Variants in GFPT2 observed in about 807,000 individuals in gnomAD.
The protein encoded by GFPT2 is glutamine--fructose-6-phosphate transaminase 2.
A neutral mutation model predicts 85.6 loss-of-function variants in GFPT2; 62 were observed. The observed-to-expected ratio is 0.72, with a 90% CI of 0.59 to 0.90. The LOEUF is 0.90. Ranked by LOEUF, GFPT2 falls within the 40% of genes least tolerant of loss-of-function variation. The probability of loss-of-function intolerance (pLI) is 0.00; values close to 1 mark genes in which losing one functional copy is unlikely to be tolerated. For synonymous variants in GFPT2, 368 were observed against 344.5 expected (o/e 1.07, Z -0.75); for missense variants, 788 against 893.4 (o/e 0.88, Z 1.50).
chr5:180,307,853 C>T (rs1244727541), intron 15 of GFPT2, among the ~76,000 whole-genome samples: 2 of 152,236 alleles, frequency 1.3e-5, no homozygotes, highest in Non-Finnish European at 2.9e-5. Context: ...TGGCTCACGC[C>T]TGTAATCGCC....
intron 1 of GFPT2, among the ~76,000 whole-genome samples, chr5:180,351,316 C>T (rs746795951): frequency 2.6e-5 from 4 of 152,206 alleles, no homozygotes; most frequent in Non-Finnish European, 4.4e-5. Context: ...GTTAAGGACA[C>T]GTTAGCACCA....
chr5:180,310,133 G>A (rs577462437), intron 15 of GFPT2, among the ~76,000 whole-genome samples: 3 of 149,216 alleles, frequency 2.0e-5, no homozygotes, highest in African/African-American at 2.5e-5. Flanking sequence ...ATGAAGTCTC[G>A]CTCTTGTCGC....
rs1292832695 is a variant in GFPT2 at position 180,330,818 on chromosome 5, T to C, written c.416A>G (p.Glu139Gly). The stretch of plus-strand genomic sequence containing the variant: ...CTCTGTATCTGTTTCTGACTCAAAC[T>C]CGTAGCCTTTGCTTTCCTGGAATAT... ...LRKFLESKGYEFESETDTETI... is the reference protein window; with the variant it reads ...LRKFLESKGYGFESETDTETI... Residue 139 changes from glutamate to glycine, a missense_variant, in exon 6 of 19, where the codon GAG becomes GGG. Transcript: ENST00000253778. The surrounding 1 kb of genome is among the most constrained non-coding windows in gnomAD (Gnocchi z 4.4). 1.2e-6 allele frequency: 2 copies of C among 1,613,934 alleles called. No homozygotes were observed. The highest frequency in any genetic ancestry group is 1.7e-6 in the Non-Finnish European group (2 of 1,179,884).
rs1764752615 is a variant in GFPT2, at chr5:180,353,242, G to C, written c.-25C>G. 1 of 1,241,482 alleles carries C rather than the reference G, an allele frequency of 8.1e-7. No homozygotes were observed. Among genetic ancestry groups the C allele is most frequent in the Non-Finnish European group, 1.0e-6 (1 of 988,456 alleles). The allele number at this position is 1,241,482 out of a possible 1,614,324, so 76.9% of individuals were successfully genotyped here. On this transcript the variant is annotated 5_prime_UTR_variant, in exon 1 of 19. Coordinates refer to ENST00000253778, the MANE Select transcript of GFPT2 (RefSeq NM_005110.4). ...TCGTGGCTGCTTCTCGGGCTCCTTC[G>C]CGGCTCGAGGGGGTCTGCCCGTTCG...
chr5:180,336,988 C>T (rs1764416103), intron 2 of GFPT2, among the ~76,000 whole-genome samples: 1 of 152,240 alleles, frequency 6.6e-6, no homozygotes, highest in Non-Finnish European at 1.5e-5. Context: ...GACGTGCTTC[C>T]TATTAAGAGT....
intron 15 of GFPT2, 82 bp downstream of exon 15, chr5:180,312,348 T>G: frequency 1.3e-6 from 1 of 792,100 alleles, no homozygotes; most frequent in Admixed American, 1.8e-5. Flanking sequence ...AACAACATCC[T>G]GTACAGGTGA....
intron 13 of GFPT2, 127 bp from the exon 14 acceptor site, chr5:180,314,091 A>G (rs552793423): frequency 1.1e-6 from 1 of 876,058 alleles, no homozygotes; most frequent in Non-Finnish European, 1.7e-6. Context: ...GGGTGTTCAG[A>G]AAGGAAAACG....
chr5:180,322,752 T>A (rs1459477627), intron 9 of GFPT2, among the ~76,000 whole-genome samples: 3 of 152,032 alleles, frequency 2.0e-5, no homozygotes, highest in Middle Eastern at 3.4e-3. Context: ...AAAAGAAACA[T>A]CTGGATGGGC....
intron 16 of GFPT2, among the ~76,000 whole-genome samples, chr5:180,305,329 C>A (rs540680749): frequency 2.6e-5 from 4 of 152,340 alleles, no homozygotes; most frequent in African/African-American, 7.2e-5. Flanking sequence ...CTTAGCTACA[C>A]CTTCAGTTAA....
At chr5:180,352,874 C>A (rs995330016) in intron 1 of GFPT2, 1 of 431,950 alleles carries the variant, frequency 2.3e-6, no homozygotes, top group South Asian at 2.7e-5. Flanking sequence ...CGACCTCGGT[C>A]GGCATGGGGT....
intron 1 of GFPT2, among the ~76,000 whole-genome samples, chr5:180,347,844 C>T (rs1228823254): frequency 5.3e-5 from 8 of 152,120 alleles, no homozygotes; most frequent in Admixed American, 4.6e-4. Context: ...GGATGATTTG[C>T]GGCCTGGGGG....
At chr5:180,303,169 G>T (rs1581364548) in intron 17 of GFPT2, among the ~76,000 whole-genome samples, 2 of 149,902 alleles carry the variant, frequency 1.3e-5, no homozygotes, top group African/African-American at 2.4e-5. Context: ...GGCGGAGCTT[G>T]CAGTGAGCCG....
chr5:180,334,949 G>C (rs887899140), intron 4 of GFPT2, among the ~76,000 whole-genome samples: 19 of 152,216 alleles, frequency 1.2e-4, no homozygotes, highest in African/African-American at 4.6e-4. Flanking sequence ...TTTCCCCCAT[G>C]AGAGGGGGCA....
intron 1 of GFPT2, among the ~76,000 whole-genome samples, chr5:180,348,760 T>C (rs1442137188): frequency 6.6e-6 from 1 of 151,748 alleles, no homozygotes; most frequent in East Asian, 1.9e-4. Context: ...TTTCTTTTTT[T>C]GAGACAGGGT....
chr5:180,307,408 C>T (rs1561871766), intron 15 of GFPT2, 105 bp from the exon 16 acceptor site: 2 of 1,057,646 alleles, frequency 1.9e-6, no homozygotes, highest in Non-Finnish European at 2.8e-6. Flanking sequence ...GAAACCGCAT[C>T]ACTTAGCACA....
At chr5:180,315,224 C>A (rs1354121412) in intron 13 of GFPT2, among the ~76,000 whole-genome samples, 1 of 151,478 alleles carries the variant, frequency 6.6e-6, no homozygotes, top group Non-Finnish European at 1.5e-5. Flanking sequence ...GTCGCCCAGG[C>A]TGGAGTGCAG....
intron 5 of GFPT2, 79 bp downstream of exon 5, chr5:180,331,416 A>G: frequency 2.3e-6 from 2 of 856,868 alleles, no homozygotes; most frequent in Non-Finnish European, 4.0e-6. Flanking sequence ...TGGTTTCCGC[A>G]AGGAAATGAG....
At chr5:180,351,366 C>G (rs553941198) in intron 1 of GFPT2, among the ~76,000 whole-genome samples, 2 of 152,358 alleles carry the variant, frequency 1.3e-5, no homozygotes, top group East Asian at 3.9e-4. Context: ...AAGGAAATAA[C>G]TTTCCCATGC....
At chr5:180,331,588 A>T in intron 4 of GFPT2, 35 bp from the exon 5 acceptor site, 6 of 1,235,062 alleles carry the variant, frequency 4.9e-6, no homozygotes, top group Non-Finnish European at 7.2e-6. Flanking sequence ...TGCTATTGAG[A>T]AGGAGGTTCA....
Sources: gnomAD v4.1 joint callset for allele counts (sites outside exome capture counted in the v4.1 genomes callset) on GRCh38, gnomAD v4.1.1 for gene constraint, Gnocchi (gnomAD v3.1) non-coding constraint, MANE v1.5 for transcripts, NCBI Gene and HGNC (gene_info 2026-07-23, HGNC 2026-07-21) for gene names.